The following SHKBP1 variants were observed in gnomAD, a reference collection of about 807,000 sequenced individuals.
The protein encoded by SHKBP1 is SH3KBP1-binding protein 1.
A neutral mutation model predicts 83.9 loss-of-function variants in SHKBP1; 71 were observed. The observed-to-expected ratio is 0.85, with a 90% CI of 0.70 to 1.03. The LOEUF is 1.03. Ranked by LOEUF, SHKBP1 falls within the 50% of genes least tolerant of loss-of-function variation. The probability of loss-of-function intolerance (pLI) is 0.00; values close to 1 mark genes in which losing one functional copy is unlikely to be tolerated. For synonymous variants in SHKBP1, 371 were observed against 398.0 expected, an observed-to-expected ratio of 0.93 and a Z score of 0.81; for missense variants, 824 against 982.4, an observed-to-expected ratio of 0.84 and a Z score of 2.16.
Position 40,578,516 on chromosome 19 carries a change from T to A in SHKBP1, c.374T>A (p.Leu125His). The A allele has an allele frequency of 6.2e-7, 1 of 1,614,114 alleles. No homozygotes were observed. The highest frequency in any genetic ancestry group is 1.1e-5 in the South Asian group (1 of 91,072). The change falls in exon 6 of 18, where the codon CTC becomes CAC. Residue 125 changes from leucine to histidine, a missense_variant. Transcript: ENST00000291842. ...ELDRSSCGNV[L>H]FNGYLPPPVF... ...GATCGATCTTCTTGTGGAAACGTCC[T>A]CTTCAATGGTTACCTGCCGCCACCA...
chr19:40,590,531 C>G lies in SHKBP1; in HGVS notation c.1768+109C>G, dbSNP rs2081350052. On this transcript the variant is annotated intron_variant, in intron 16 of 17. Transcript: ENST00000291842. This position sits in a 1 kb window ranked among gnomAD's most constrained non-coding sequence, Gnocchi z 4.6. Reference sequence around the variant, plus strand: ...CTCCCAGGCCCTTGCCCTCTGACCCCTTTTCCTTTGACCCCCTCTCTGCTC... The same window carrying G: ...CTCCCAGGCCCTTGCCCTCTGACCCGTTTTCCTTTGACCCCCTCTCTGCTC... 2.2e-6 allele frequency: 3 copies of G among 1,377,102 alleles called. No individual in the cohort carries two copies. The highest frequency in any genetic ancestry group is 3.0e-6 in the Non-Finnish European group (3 of 1,010,956). The allele number at this position is 1,377,102 out of a possible 1,614,324, so 85.3% of individuals were successfully genotyped here. A position where few individuals can be genotyped will look rare whatever the true frequency, so the allele number is the denominator to read the frequency against.
chr19:40,582,354 T>C lies in SHKBP1; in HGVS notation c.848T>C (p.Val283Ala). The change falls in exon 10 of 18, where the codon GTC becomes GCC. Residue 283 changes from valine to alanine, a missense_variant. Physicochemically the swap from Val to Ala is moderately conservative, Grantham distance 64. This residue lies in a region of SHKBP1 where 355 missense variants were observed against 386.4 expected (regional missense o/e 0.92). Transcript: ENST00000291842. Reference protein sequence around the residue: ...QAEGGGSEIGVFHLGVPVEAL... With the variant: ...QAEGGGSEIGAFHLGVPVEAL... Reference sequence around the variant, plus strand: ...GAGCCCTTTTTGCCCACTGCAGGGGTCTTTCATCTGGGGGTGCCTGTGGAG... The same window carrying C: ...GAGCCCTTTTTGCCCACTGCAGGGGCCTTTCATCTGGGGGTGCCTGTGGAG... The C allele has an allele frequency of 1.2e-6, 2 of 1,613,584 alleles. No homozygotes were observed. The highest frequency in any genetic ancestry group is 1.7e-6 in the Non-Finnish European group (2 of 1,179,806).
chr19:40,586,155 T>G (rs931730293), intron 12 of SHKBP1, among the ~76,000 whole-genome samples: 1 of 152,010 alleles, frequency 6.6e-6, no homozygotes, highest in Non-Finnish European at 1.5e-5. Context: ...GCAATCTTCC[T>G]GCCTCGGCCT....
At chr19:40,588,529 C>A in intron 13 of SHKBP1, 95 bp from the exon 14 acceptor site, 1 of 1,480,790 alleles carries the variant, frequency 6.8e-7, no homozygotes, top group East Asian at 2.3e-5. Flanking sequence ...CAAGGGCTGA[C>A]CCTCCTGAAA....
Position 40,590,615 on chromosome 19 carries a change from T to G in SHKBP1, c.1769-115T>G. 7.2e-7 allele frequency: 1 copy of G among 1,385,996 alleles called. No individual in the cohort carries two copies. Among genetic ancestry groups the G allele is most frequent in the Non-Finnish European group, 9.8e-7 (1 of 1,022,570 alleles). 85.9% of individuals were successfully genotyped at this position (1,385,996 alleles called of 1,614,324 possible). A position where few individuals can be genotyped will look rare whatever the true frequency, so the allele number is the denominator to read the frequency against. ...GTCTCAGCCTCTGGCCCCCATGCAT[T>G]GATCTCTGCTTCCTCTCTCCTGTCC... On this transcript the variant is annotated intron_variant, in intron 16 of 17. Transcript: ENST00000291842. The surrounding 1 kb of genome is among the most constrained non-coding windows in gnomAD (Gnocchi z 4.6).
chr19:40,589,019 G>A, intron 14 of SHKBP1, 63 bp from the exon 15 acceptor site: 3 of 1,535,888 alleles, frequency 2.0e-6, no homozygotes, highest in Non-Finnish European at 1.8e-6. Flanking sequence ...TCATCAGTGG[G>A]GAAGGAAGTC....
intron 12 of SHKBP1, among the ~76,000 whole-genome samples, 192 bp downstream of exon 12, chr19:40,583,909 T>C (rs777374095): frequency 6.6e-6 from 1 of 152,002 alleles, no homozygotes; most frequent in Admixed American, 6.6e-5. Context: ...GGTGCAATCT[T>C]GGCTCACTGC....
At chr19:40,577,658 C>T in intron 4 of SHKBP1, 28 bp downstream of exon 4, 1 of 1,611,882 alleles carries the variant, frequency 6.2e-7, no homozygotes, top group Non-Finnish European at 8.5e-7. Context: ...GGAGGGAGTC[C>T]CTCACTGTCT....
Position 40,586,824 on chromosome 19 carries a change from G to GT in SHKBP1, c.1217dup (p.Arg407AlafsTer72). On this transcript the variant is annotated frameshift_variant, in exon 13 of 18. Coordinates refer to ENST00000291842, the MANE Select transcript of SHKBP1 (RefSeq NM_138392.4). LOFTEE classifies it high-confidence loss of function. ...CGCCTATGGCACCAGCTCAGGGGGC[G>GT]TGCGGGTCATCGTGCAGCACCCGGA... 1 of 1,611,150 alleles carries GT rather than the reference G, an allele frequency of 6.2e-7. No homozygotes were observed. Among genetic ancestry groups the GT allele is most frequent in the Non-Finnish European group, 8.5e-7 (1 of 1,178,188 alleles).
At chr19:40,587,483 C>T (rs1191285183) in intron 13 of SHKBP1, among the ~76,000 whole-genome samples, 3 of 152,122 alleles carry the variant, frequency 2.0e-5, no homozygotes, top group Admixed American at 6.5e-5. Context: ...CCCCGCTACT[C>T]GGGAGGCCGA....
chr19:40,582,713 G>A (rs1355727770), intron 10 of SHKBP1, among the ~76,000 whole-genome samples: 2 of 152,088 alleles, frequency 1.3e-5, no homozygotes, highest in Non-Finnish European at 2.9e-5. Flanking sequence ...AGGGAGGATT[G>A]TCTTGGGACT....
intron 12 of SHKBP1, among the ~76,000 whole-genome samples, chr19:40,586,086 TTTG>T (rs2145990720): frequency 6.6e-6 from 1 of 152,168 alleles, no homozygotes; most frequent in East Asian, 1.9e-4. Context: ...TTAAAAATCT[TTTG>T]TAGAGATGAG....
At chr19:40,588,965 T>C in intron 14 of SHKBP1, 117 bp from the exon 15 acceptor site, 1 of 1,307,832 alleles carries the variant, frequency 7.6e-7, no homozygotes, top group Non-Finnish European at 1.1e-6. Flanking sequence ...CCTGCCCAAC[T>C]CTAACAACCT....
chr19:40,590,722 C>A lies in SHKBP1; in HGVS notation c.1769-8C>A, dbSNP rs1209874027. The A allele has an allele frequency of 1.9e-6, 3 of 1,576,290 alleles. No homozygotes were observed. In the East Asian group the frequency reaches 6.8e-5, roughly 36 times the overall value. ...CTTGCCCCCTGACCCTGCTTCCGTGCCCCCCAGCAGGTGGCCTGACGGAGC... is the reference window on the plus strand; with the variant it reads ...CTTGCCCCCTGACCCTGCTTCCGTGACCCCCAGCAGGTGGCCTGACGGAGC... On this transcript the variant is annotated splice_polypyrimidine_tract_variant and splice_region_variant and intron_variant, in intron 16 of 17. Coordinates refer to ENST00000291842, the MANE Select transcript of SHKBP1 (RefSeq NM_138392.4). The surrounding 1 kb of genome is among the most constrained non-coding windows in gnomAD (Gnocchi z 4.6).
chr19:40,578,246 T>C, intron 5 of SHKBP1, 34 bp downstream of exon 5: 1 of 1,600,758 alleles, frequency 6.2e-7, no homozygotes, highest in Non-Finnish European at 8.6e-7. Flanking sequence ...ATCCTCATTG[T>C]ATAGAAAACC....
chr19:40,583,557 G>A (rs1394513275), intron 11 of SHKBP1, 44 bp from the exon 12 acceptor site: 1 of 1,611,330 alleles, frequency 6.2e-7, no homozygotes, highest in Non-Finnish European at 8.5e-7. Context: ...AGAGAGGCTG[G>A]GGCACTTGGA....
At chr19:40,585,574 G>T (rs1403197723) in intron 12 of SHKBP1, 4 of 127,518 alleles carry the variant, frequency 3.1e-5, no homozygotes, top group African/African-American at 1.2e-4. Context: ...ACAGAGTATC[G>T]CTCTGTCATT....
Position 40,590,262 on chromosome 19 carries a change from C to G in SHKBP1, c.1608C>G (p.Ser536=). Residue 536 remains serine, a synonymous_variant, in exon 16 of 18, where the codon TCC becomes TCG. Coordinates refer to ENST00000291842, the MANE Select transcript of SHKBP1 (RefSeq NM_138392.4). This position sits in a 1 kb window ranked among gnomAD's most constrained non-coding sequence, Gnocchi z 4.6. ...CCCCCAGGGTGTGCTCCGTGCGCTC[C>G]GTGGACGGCTCACCCACGACAGCCT... ...STGQRVCSVR[S]VDGSPTTAFT... 1 of 1,599,812 alleles carries G rather than the reference C, an allele frequency of 6.3e-7. No homozygotes were observed. The highest frequency in any genetic ancestry group is 2.3e-5 in the East Asian group (1 of 44,224).
chr19:40,580,571 C>T lies in SHKBP1; in HGVS notation c.568C>T (p.Pro190Ser), dbSNP rs1599839394. 1.9e-6 allele frequency: 3 copies of T among 1,614,088 alleles called. No homozygotes were observed. The highest frequency in any genetic ancestry group is 4.5e-5 in the East Asian group (2 of 44,902). Residue 190 changes from proline (P) to serine (S), a missense_variant, in exon 8 of 18, where the codon CCT becomes TCT. By Grantham distance (74) the Pro-to-Ser change is moderately conservative (BLOSUM62 -1). Around this residue, in one of 3 missense-constraint regions of SHKBP1, gnomAD observed 355 missense variants for 386.4 expected, o/e 0.92. Coordinates refer to ENST00000291842, the MANE Select transcript of SHKBP1 (RefSeq NM_138392.4). ...EKTPPSPSGQ[P>S]EEPGMVRLVC... ...TCCCTACTCTTCCCCTCAAGGACAA[C>T]CTGAGGAGCCGGGGATGGTGCGCCT...
Sources: allele counts gnomAD v4.1 joint callset (sites outside exome capture counted in the v4.1 genomes callset), GRCh38; gene constraint gnomAD v4.1.1; regional missense constraint gnomAD v4.1.1; non-coding constraint Gnocchi (gnomAD v3.1); transcripts MANE v1.5; gene names NCBI Gene and HGNC (gene_info 2026-07-23, HGNC 2026-07-21).